Variants in DTNB observed in about 807,000 individuals in gnomAD.
DTNB encodes DTN-B.
DTNB carries 63 observed loss-of-function variants against 90.7 expected under a neutral mutation model. The observed-to-expected ratio is 0.69, with a 90% confidence interval of 0.57 to 0.86. DTNB has a LOEUF of 0.86. Among genes scored for constraint, DTNB ranks in the 40% least tolerant of loss-of-function variants. The pLI is 0.00. For missense variants in DTNB, 744 were observed against 807.1 expected, an observed-to-expected ratio of 0.92 and a Z score of 0.95; for synonymous variants, 277 against 286.7, an observed-to-expected ratio of 0.97 and a Z score of 0.34.
Position 25,406,086 on chromosome 2 carries a change from TCAG to T in DTNB, c.1575+13426_1575+13428del, listed in dbSNP as rs751354285. Reference sequence around the variant, plus strand: ...GATATGGTGGGTGCTGATAACGGCATCAGCAGAAGCAGGAAATACGTGCAGAGG... The same window carrying T: ...GATATGGTGGGTGCTGATAACGGCATCAGAAGCAGGAAATACGTGCAGAGG... On this transcript the variant is annotated intron_variant, in intron 16 of 20. Coordinates refer to ENST00000406818, the MANE Select transcript of DTNB (RefSeq NM_021907.5). 2.0e-3 allele frequency among the ~76,000 whole-genome samples: 307 copies of T among 152,084 alleles called. 1 individual carries two copies. The highest frequency in any genetic ancestry group is 3.5e-3 in the Non-Finnish European group (238 of 67,980).
intron 12 of DTNB, among the ~76,000 whole-genome samples, chr2:25,446,216 G>A (rs149559512): frequency 2.0e-4 from 30 of 152,106 alleles, no homozygotes; most frequent in Admixed American, 2.0e-3. Flanking sequence ...CACAAACACT[G>A]GTAACATTGG....
At chr2:25,463,674 C>T (rs1260479880) in intron 10 of DTNB, among the ~76,000 whole-genome samples, 2 of 152,226 alleles carry the variant, frequency 1.3e-5, no homozygotes, top group Non-Finnish European at 2.9e-5. Context: ...AACTGCTACA[C>T]GTGCTGCAGG....
At chr2:25,419,494 G>C in intron 16 of DTNB, 21 bp downstream of exon 16, 1 of 1,558,166 alleles carries the variant, frequency 6.4e-7, no homozygotes. Flanking sequence ...AGTCCGGCGG[G>C]AAATTCCGAA....
At chr2:25,593,201 CT>C (rs2063889212) in intron 6 of DTNB, among the ~76,000 whole-genome samples, 1 of 152,202 alleles carries the variant, frequency 6.6e-6, no homozygotes, top group African/African-American at 2.4e-5. Flanking sequence ...GTCATACTTT[CT>C]CTTTAATTGT....
At chr2:25,580,402 T>A (rs1201674322) in intron 7 of DTNB, among the ~76,000 whole-genome samples, 1 of 151,650 alleles carries the variant, frequency 6.6e-6, no homozygotes, top group East Asian at 1.9e-4. Context: ...GCACCTGTAA[T>A]CCCAGCTACT....
chr2:25,496,623 C>T (rs1349936766), intron 9 of DTNB, among the ~76,000 whole-genome samples: 2 of 152,112 alleles, frequency 1.3e-5, no homozygotes, highest in Admixed American at 6.5e-5. Context: ...GCAGGCGGAT[C>T]ACCTGAGGTC....
rs139467476 is a variant in DTNB, at chr2:25,541,096, A to C, written c.877-9499T>G. 5.6e-3 allele frequency among the ~76,000 whole-genome samples: 855 copies of C among 152,222 alleles called. 11 individuals are homozygous for C. The highest frequency in any genetic ancestry group is 0.018 in the African/African-American group (767 of 41,540). ...CTAGATGATATAGAATATTCATGGT[A>C]TAGAAAATAATGTAGGTACTAACAA... On this transcript the variant is annotated intron_variant, in intron 8 of 20. Coordinates refer to ENST00000406818, the MANE Select transcript of DTNB (RefSeq NM_021907.5).
At position 25,445,938 on chromosome 2, in the gene DTNB, T is replaced by A. The variant is rs559009276; in HGVS notation, c.1257+5610A>T. ...CTGGGTAGTTTTTTTTTTTTTTTTT[T>A]AATCTCTCTGAAGCTTAGTTTCCTC... On this transcript the variant is annotated intron_variant, in intron 12 of 20. Transcript: ENST00000406818. Among the ~76,000 whole-genome samples the A allele has an allele frequency of 4.9e-4, 74 of 151,518 alleles. No homozygotes were observed. In the East Asian group the frequency reaches 0.013, roughly 26 times the overall value.
At chr2:25,629,257 A>G (rs1250011994) in intron 3 of DTNB, among the ~76,000 whole-genome samples, 3 of 152,246 alleles carry the variant, frequency 2.0e-5, no homozygotes, top group Non-Finnish European at 4.4e-5. Context: ...AAAAGGTTCA[A>G]TAAAGACATT....
At chr2:25,470,534 C>G (rs1229361941) in intron 10 of DTNB, among the ~76,000 whole-genome samples, 1 of 151,982 alleles carries the variant, frequency 6.6e-6, no homozygotes, top group East Asian at 1.9e-4. Context: ...CACCACCACA[C>G]CCAGCTAATT....
chr2:25,508,592 C>T (rs770656952), intron 9 of DTNB, among the ~76,000 whole-genome samples: 2 of 142,300 alleles, frequency 1.4e-5, no homozygotes, highest in Admixed American at 7.3e-5. Context: ...TGGAGTGCAA[C>T]GTCATGATCT....
chr2:25,564,840 T>C (rs1326883771), intron 8 of DTNB, among the ~76,000 whole-genome samples: 1 of 152,224 alleles, frequency 6.6e-6, no homozygotes, highest in Non-Finnish European at 1.5e-5. Context: ...TATAGAGAAA[T>C]ATAACTAATT....
intron 9 of DTNB, among the ~76,000 whole-genome samples, chr2:25,495,463 A>G (rs183221058): frequency 1.3e-5 from 2 of 152,234 alleles, no homozygotes; most frequent in African/African-American, 4.8e-5. Context: ...GTCTAGAAAG[A>G]AAACCAGTTT....
intron 9 of DTNB, among the ~76,000 whole-genome samples, chr2:25,486,597 C>A (rs2066213387): frequency 6.7e-6 from 1 of 149,062 alleles, no homozygotes; most frequent in Non-Finnish European, 1.5e-5. Flanking sequence ...TGCACCACTG[C>A]ACTCCAGCTT....
intron 19 of DTNB, 180 bp from the exon 20 acceptor site, chr2:25,379,503 C>T (rs1281996744): frequency 3.0e-6 from 2 of 664,814 alleles, no homozygotes; most frequent in East Asian, 3.4e-5. Flanking sequence ...ATACTTTCTA[C>T]TACTGTAGCC....
chr2:25,583,650 T>C (rs965745758), intron 6 of DTNB, among the ~76,000 whole-genome samples: 1 of 151,904 alleles, frequency 6.6e-6, no homozygotes, highest in African/African-American at 2.4e-5. Flanking sequence ...GCCTCCCGAG[T>C]AGCTGGGATT....
At chr2:25,598,528 A>G (rs2065126181) in intron 5 of DTNB, among the ~76,000 whole-genome samples, 1 of 152,222 alleles carries the variant, frequency 6.6e-6, no homozygotes, top group African/African-American at 2.4e-5. Context: ...TTAAGGTCAA[A>G]AAGTTCAGAG....
At chr2:25,533,890 G>A (rs1234874789) in intron 8 of DTNB, among the ~76,000 whole-genome samples, 1 of 152,012 alleles carries the variant, frequency 6.6e-6, no homozygotes, top group Non-Finnish European at 1.5e-5. Context: ...TGTTTCCACT[G>A]TTGCACTCAC....
rs116263356 is a variant in DTNB, at chr2:25,541,996, G to T, written c.877-10399C>A. 6.3e-3 allele frequency among the ~76,000 whole-genome samples: 959 copies of T among 152,320 alleles called. 12 individuals carry two copies. The highest frequency in any genetic ancestry group is 0.02 in the Middle Eastern group (6 of 294). ...CCTTTTCAACATTTTGCCAGTAAAT[G>T]TAAGAGATGCTATCAGATTTTACAA... is the stretch of plus-strand genomic sequence containing the variant. On this transcript the variant is annotated intron_variant, in intron 8 of 20. Transcript: ENST00000406818.
Sources: allele counts gnomAD v4.1 joint callset (sites outside exome capture counted in the v4.1 genomes callset), GRCh38; gene constraint gnomAD v4.1.1; transcripts MANE v1.5; gene names NCBI Gene and HGNC (gene_info 2026-07-23, HGNC 2026-07-21).